VEZT: variants seen among roughly 807,000 people sequenced by gnomAD.
The protein encoded by VEZT is vezatin, adherens junctions transmembrane protein.
A neutral mutation model predicts 79.9 loss-of-function variants in VEZT; 39 were observed. The ratio of observed to expected loss-of-function variants is 0.49; its 90% CI spans 0.38 to 0.64. VEZT has a LOEUF of 0.64. Among genes scored for constraint, VEZT ranks in the 30% least tolerant of loss-of-function variants. VEZT has a pLI of 0.00. For synonymous variants in VEZT, 325 were observed against 327.6 expected, an observed-to-expected ratio of 0.99 and a Z score of 0.09; for missense variants, 837 against 893.1, an observed-to-expected ratio of 0.94 and a Z score of 0.80.
At chr12:95,255,582 C>T (rs2138040904) in intron 2 of VEZT, among the ~76,000 whole-genome samples, 1 of 152,202 alleles carries the variant, frequency 6.6e-6, no homozygotes, top group South Asian at 2.1e-4. Flanking sequence ...TAGGTGCCCA[C>T]CACCACGCCC....
intron 1 of VEZT, among the ~76,000 whole-genome samples, chr12:95,219,491 T>C (rs1381900769): frequency 6.6e-6 from 1 of 152,238 alleles, no homozygotes; most frequent in African/African-American, 2.4e-5. Context: ...ATTTTGTATA[T>C]ATTTTTCACT....
intron 1 of VEZT, among the ~76,000 whole-genome samples, chr12:95,225,777 AAAAAAAAAAAAAAAAAG>A (rs1180920030): frequency 3.5e-5 from 5 of 143,420 alleles, no homozygotes; most frequent in East Asian, 2.0e-4. Context: ...AAAAAAAAAA[AAAAAAAAAAAAAAAAAG>A]AGAGAGAAGG....
At chr12:95,225,189 G>A (rs1316523672) in intron 1 of VEZT, among the ~76,000 whole-genome samples, 1 of 152,138 alleles carries the variant, frequency 6.6e-6, no homozygotes, top group Admixed American at 6.5e-5. Context: ...GGAATTAATG[G>A]TTAGATTATC....
intron 2 of VEZT, chr12:95,256,614 G>C: frequency 7.8e-7 from 1 of 1,289,108 alleles, no homozygotes; most frequent in Non-Finnish European, 1.0e-6. Context: ...CAAGGAATGG[G>C]CTATTAAGGT....
intron 8 of VEZT, among the ~76,000 whole-genome samples, chr12:95,285,821 A>G (rs570903051): frequency 2.0e-5 from 3 of 152,164 alleles, no homozygotes; most frequent in East Asian, 3.9e-4. Flanking sequence ...GCTTGTATTT[A>G]TTTATTCAAA....
intron 1 of VEZT, among the ~76,000 whole-genome samples, chr12:95,237,564 G>T (rs1380281717): frequency 2.0e-5 from 3 of 152,172 alleles, no homozygotes; most frequent in Non-Finnish European, 4.4e-5. Context: ...AAGATCAAGG[G>T]CCATTACCAA....
At chr12:95,235,391 C>T (rs74797413) in intron 1 of VEZT, among the ~76,000 whole-genome samples, 2 of 128,704 alleles carry the variant, frequency 1.6e-5, no homozygotes, top group Non-Finnish European at 3.3e-5. Flanking sequence ...ACCTCCCGGA[C>T]GGGGCGGCTG....
chr12:95,300,206 A>C lies in VEZT; in HGVS notation c.1873A>C (p.Ile625Leu). ...GTCTCCTGTAGACCCAGTGGAACCC[A>C]TAAGTAATTCAGAACCATCAATGAA... ...SLSPVDPVEPISNSEPSMNSD... is the reference protein window; with the variant it reads ...SLSPVDPVEPLSNSEPSMNSD... Residue 625 changes from isoleucine to leucine, a missense_variant, in exon 12 of 12, where the codon ATA becomes CTA. By Grantham distance (5) the Ile-to-Leu change is conservative (BLOSUM62 2). Coordinates refer to ENST00000436874, the MANE Select transcript of VEZT (RefSeq NM_017599.4). 6.4e-7 allele frequency: 1 copy of C among 1,554,784 alleles called. No individual in the cohort carries two copies. Among genetic ancestry groups the C allele is most frequent in the Non-Finnish European group, 8.7e-7 (1 of 1,149,266 alleles).
At chr12:95,233,776 T>C (rs1300666625) in intron 1 of VEZT, among the ~76,000 whole-genome samples, 1 of 152,218 alleles carries the variant, frequency 6.6e-6, no homozygotes, top group East Asian at 1.9e-4. Flanking sequence ...TATATATATA[T>C]ATGTGTGTGA....
rs149808939 is a variant in VEZT, at chr12:95,247,806, A to G, written c.37-4134A>G. Among the ~76,000 whole-genome samples the G allele has an allele frequency of 4.5e-3, 692 of 152,348 alleles. 8 individuals carry two copies. Among genetic ancestry groups the G allele is most frequent in the African/African-American group, 0.016 (656 of 41,592 alleles). ...TTTTAAAAGAATTAATGTAAGCATA[A>G]TGAATAGAACTTGAGTGTTCACAGT... On this transcript the variant is annotated intron_variant, in intron 1 of 11. Coordinates refer to ENST00000436874, the MANE Select transcript of VEZT (RefSeq NM_017599.4).
At chr12:95,245,915 G>A (rs918540267) in intron 1 of VEZT, among the ~76,000 whole-genome samples, 5 of 152,182 alleles carry the variant, frequency 3.3e-5, no homozygotes, top group South Asian at 2.1e-4. Context: ...AGAGGTTGAG[G>A]CTATAGTAAG....
At chr12:95,235,731 C>G (rs537059197) in intron 1 of VEZT, among the ~76,000 whole-genome samples, 1,814 of 151,772 alleles carry the variant, frequency 0.012, 39 homozygotes, top group African/African-American at 0.041. Context: ...CCCCACCTCC[C>G]TCCCGGACGG....
At chr12:95,230,357 A>G (rs1272004083) in intron 1 of VEZT, among the ~76,000 whole-genome samples, 2 of 151,834 alleles carry the variant, frequency 1.3e-5, no homozygotes, top group Non-Finnish European at 2.9e-5. Flanking sequence ...TTAAGCCACA[A>G]CTTTTAATAT....
chr12:95,264,924 G>A (rs2065237193), intron 4 of VEZT, among the ~76,000 whole-genome samples: 1 of 142,096 alleles, frequency 7.0e-6, no homozygotes. Flanking sequence ...CCAGGCTGGA[G>A]TGCAGTGGCA....
At chr12:95,252,858 G>C (rs1374468994) in intron 2 of VEZT, among the ~76,000 whole-genome samples, 1 of 152,152 alleles carries the variant, frequency 6.6e-6, no homozygotes, top group Non-Finnish European at 1.5e-5. Flanking sequence ...CCAGCTACTC[G>C]GGAGGCTGAG....
chr12:95,276,259 C>CTTTTTTTTTTTTTTTTTT (rs35034660), intron 7 of VEZT, among the ~76,000 whole-genome samples: 7 of 75,150 alleles, frequency 9.3e-5, no homozygotes, highest in African/African-American at 1.1e-4. Context: ...TAATTTTTTT[C>CTTTTTTTTTTTTTTTTTT]TTTTTTTTTT....
At chr12:95,223,472 C>T (rs1044354822) in intron 1 of VEZT, among the ~76,000 whole-genome samples, 3 of 152,066 alleles carry the variant, frequency 2.0e-5, no homozygotes, top group Non-Finnish European at 2.9e-5. Context: ...GACAGAGTTC[C>T]ACTCTGTTAG....
intron 1 of VEZT, among the ~76,000 whole-genome samples, chr12:95,246,659 A>G (rs1298052281): frequency 2.6e-5 from 4 of 152,174 alleles, no homozygotes; most frequent in Admixed American, 6.6e-5. Flanking sequence ...GTGTTATGAT[A>G]TGTGTTTTCT....
chr12:95,255,106 C>G (rs1040013662), intron 2 of VEZT, among the ~76,000 whole-genome samples: 9 of 152,100 alleles, frequency 5.9e-5, no homozygotes, highest in African/African-American at 2.2e-4. Flanking sequence ...ATGTGCCCCA[C>G]AAAGCTCAGA....
Sources: gnomAD v4.1 joint callset for allele counts (sites outside exome capture counted in the v4.1 genomes callset) on GRCh38, gnomAD v4.1.1 for gene constraint, MANE v1.5 for transcripts, NCBI Gene and HGNC (gene_info 2026-07-23, HGNC 2026-07-21) for gene names.